TRIM55: variants seen among roughly 807,000 people sequenced by gnomAD.
The protein encoded by TRIM55 is tripartite motif containing 55.
Under a neutral mutation model 60.9 loss-of-function variants are expected in TRIM55, and 50 were observed. That is an observed-to-expected ratio of 0.82 (90% CI 0.65 to 1.04). The LOEUF (loss-of-function observed/expected upper bound fraction) is 1.04. Ranked by LOEUF, TRIM55 falls within the 50% of genes least tolerant of loss-of-function variation. The pLI, the probability that TRIM55 is intolerant of heterozygous loss-of-function variation, is 0.00. For missense variants in TRIM55, 681 were observed against 666.9 expected (o/e 1.02, Z -0.23); for synonymous variants, 237 against 238.1 (o/e 1.00, Z 0.04).
At position 66,154,256 on chromosome 8, in the gene TRIM55, A is replaced by G; in HGVS notation, c.1446A>G (p.Ala482=). 1 of 1,613,650 alleles carries G rather than the reference A, an allele frequency of 6.2e-7. No individual in the cohort carries two copies. The change falls in exon 9 of 10, where the codon GCA becomes GCG. Residue 482 remains alanine, a synonymous_variant. Transcript: ENST00000315962. ...CTGAGGATTCGAATGTACGGAAGGC[A>G]GAAGTGGCAGCAGCCGCAGCGAGTG... The part of the protein sequence containing the change: ...PGSEDSNVRK[A]EVAAAAASER...
the TRIM55 span, among the ~76,000 whole-genome samples, chr8:66,116,465 C>A: frequency 6.6e-6 from 1 of 151,488 alleles, no homozygotes; most frequent in African/African-American, 2.4e-5. Context: ...AAAGTAGCTG[C>A]GTGCGGTGGC....
chr8:66,173,629 G>A (rs11997416), intron 9 of TRIM55, among the ~76,000 whole-genome samples: 35,179 of 152,124 alleles, frequency 0.23, 8,166 homozygotes, highest in African/African-American at 0.6. Context: ...TCCTAGGAAG[G>A]ACGGTGTTTG....
chr8:66,168,572 C>T (rs535607321), intron 9 of TRIM55, among the ~76,000 whole-genome samples: 10 of 152,340 alleles, frequency 6.6e-5, no homozygotes, highest in Non-Finnish European at 8.8e-5. Context: ...TAAGTCTAGC[C>T]GTACCCCTCC....
chr8:66,155,479 G>A (rs1009827012), intron 9 of TRIM55: 6 of 551,858 alleles, frequency 1.1e-5, no homozygotes, highest in African/African-American at 5.7e-5. Flanking sequence ...GTGTGCGGAG[G>A]GGCTGTTTTC....
At chr8:66,138,413 G>A (rs563326684) in intron 4 of TRIM55, among the ~76,000 whole-genome samples, 72 of 152,220 alleles carry the variant, frequency 4.7e-4, no homozygotes, top group African/African-American at 1.7e-3. Context: ...TTTTTGGGAT[G>A]GAGTCTCACA....
chr8:66,168,863 T>A (rs552787522), intron 9 of TRIM55, among the ~76,000 whole-genome samples: 4 of 152,222 alleles, frequency 2.6e-5, no homozygotes, highest in Admixed American at 1.3e-4. Context: ...TAAAGTATTA[T>A]CTGGCAGGGG....
Position 66,175,393 on chromosome 8 carries a change from T to A in TRIM55, c.*800T>A, listed in dbSNP as rs1192014303. On this transcript the variant is annotated 3_prime_UTR_variant, in exon 10 of 10. Coordinates refer to ENST00000315962, the MANE Select transcript of TRIM55 (RefSeq NM_184085.2). ...CACATTAAATATATATATATTTAAA[T>A]CATGCTTTGTTAATATTTGTCCCAC... 6.6e-6 allele frequency: 1 copy of A among 152,206 alleles called. No homozygotes were observed. Among genetic ancestry groups the A allele is most frequent in the Admixed American group, 6.5e-5 (1 of 15,288 alleles). 9.4% of individuals were successfully genotyped at this position (152,206 alleles called of 1,614,324 possible).
At position 66,175,244 on chromosome 8, in the gene TRIM55, G is replaced by A. The variant is rs887827980; in HGVS notation, c.*651G>A. ...TCTAATATTAGTTTTAGATTTTCAC[G>A]TATTAGGCACTTTAGTTGAATCTTC... On this transcript the variant is annotated 3_prime_UTR_variant, in exon 10 of 10. Transcript: ENST00000315962. 6 of 152,334 alleles carry A rather than the reference G, an allele frequency of 3.9e-5. No homozygotes were observed. The highest frequency in any genetic ancestry group is 7.2e-5 in the African/African-American group (3 of 41,404). 9.4% of individuals were successfully genotyped at this position (152,334 alleles called of 1,614,324 possible). A position where few individuals can be genotyped will look rare whatever the true frequency, so the allele number is the denominator to read the frequency against.
At chr8:66,127,072 G>T, upstream of TRIM55, 1 of 525,914 alleles carries the variant, frequency 1.9e-6, no homozygotes, top group Non-Finnish European at 3.4e-6. Context: ...GGACACGTCA[G>T]CCCACCGTCA....
chr8:66,114,758 G>C, the TRIM55 span: 1 of 381,928 alleles, frequency 2.6e-6, no homozygotes, highest in South Asian at 1.9e-5. Context: ...GATAGGACAA[G>C]GCAAAAGGTA....
At chr8:66,148,460 A>G (rs1450823535) in intron 4 of TRIM55, among the ~76,000 whole-genome samples, 3 of 152,266 alleles carry the variant, frequency 2.0e-5, no homozygotes, top group Non-Finnish European at 4.4e-5. Flanking sequence ...CAGAAAGTTA[A>G]AAGTTGCATT....
At chr8:66,120,630 C>T in the TRIM55 span, among the ~76,000 whole-genome samples, 5 of 152,164 alleles carry the variant, frequency 3.3e-5, no homozygotes, top group African/African-American at 1.2e-4. Context: ...CCCTGGTTAA[C>T]AGCACTCTGT....
the TRIM55 span, among the ~76,000 whole-genome samples, chr8:66,121,170 A>G: frequency 2.6e-5 from 4 of 152,228 alleles, no homozygotes; most frequent in African/African-American, 7.2e-5. Flanking sequence ...CTAGGGACCC[A>G]TCTAATTTCC....
the TRIM55 span, chr8:66,114,692 C>G: frequency 6.6e-5 from 30 of 454,496 alleles, no homozygotes; most frequent in Admixed American, 1.2e-4. Context: ...AGGAACTGTT[C>G]GGCCCCATCT....
chr8:66,164,598 T>C (rs922490104), intron 9 of TRIM55, among the ~76,000 whole-genome samples: 2 of 152,140 alleles, frequency 1.3e-5, no homozygotes, highest in Non-Finnish European at 2.9e-5. Flanking sequence ...CCTTCCCCTT[T>C]CCCAAGTGTC....
At chr8:66,147,046 A>G (rs893210235) in intron 4 of TRIM55, among the ~76,000 whole-genome samples, 2 of 152,226 alleles carry the variant, frequency 1.3e-5, no homozygotes, top group Non-Finnish European at 2.9e-5. Context: ...AAAGGGTTGG[A>G]CAAAGATTCC....
chr8:66,174,386 C>T, intron 9 of TRIM55, 85 bp from the exon 10 acceptor site: 1 of 1,166,488 alleles, frequency 8.6e-7, no homozygotes, highest in Non-Finnish European at 1.2e-6. Context: ...TATTATTATA[C>T]TTTCTCCTCA....
chr8:66,137,305 G>A (rs4617137), intron 4 of TRIM55, 115 bp downstream of exon 4: 1 of 708,352 alleles, frequency 1.4e-6, no homozygotes, highest in Non-Finnish European at 2.4e-6. Flanking sequence ...TTTGCTTCTA[G>A]AATGGCCTCC....
At chr8:66,148,002 A>G (rs990144147) in intron 4 of TRIM55, among the ~76,000 whole-genome samples, 2 of 152,180 alleles carry the variant, frequency 1.3e-5, no homozygotes, top group African/African-American at 4.8e-5. Flanking sequence ...AGAATATGTA[A>G]TAAAGGGTAT....
Sources: allele counts gnomAD v4.1 joint callset (sites outside exome capture counted in the v4.1 genomes callset), GRCh38; gene constraint gnomAD v4.1.1; transcripts MANE v1.5; gene names NCBI Gene and HGNC (gene_info 2026-07-23, HGNC 2026-07-21).